NEO1: variants seen among roughly 807,000 people sequenced by gnomAD.
NEO1 encodes the protein neogenin 1.
In NEO1, 63 loss-of-function variants were observed where a neutral mutation model predicts 159.7. The ratio of observed to expected loss-of-function variants is 0.39; its 90% confidence interval spans 0.32 to 0.49. The LOEUF (loss-of-function observed/expected upper bound fraction) is 0.49, where lower values mean the gene tolerates loss of function less well. Among genes scored for constraint, NEO1 ranks in the 20% least tolerant of loss-of-function variants. NEO1 has a pLI of 0.85. For synonymous variants in NEO1, 633 were observed against 662.0 expected, an observed-to-expected ratio of 0.96 and a Z score of 0.67; for missense variants, 1,615 against 1,831.0, an observed-to-expected ratio of 0.88 and a Z score of 2.15.
At chr15:73,077,269 C>T (rs1327146009) in intron 1 of NEO1, among the ~76,000 whole-genome samples, 1 of 152,190 alleles carries the variant, frequency 6.6e-6, no homozygotes, top group African/African-American at 2.4e-5. Context: ...GTCTTGAACT[C>T]CTGACCTCAG....
chr15:73,274,252 G>A (rs2041303283), intron 20 of NEO1, among the ~76,000 whole-genome samples: 1 of 152,174 alleles, frequency 6.6e-6, no homozygotes, highest in Non-Finnish European at 1.5e-5. Flanking sequence ...ATTTGGGGCA[G>A]ATCAATTGCA....
intron 4 of NEO1, among the ~76,000 whole-genome samples, chr15:73,134,374 GCTTT>G (rs1440772602): frequency 1.3e-5 from 2 of 152,126 alleles, no homozygotes; most frequent in Non-Finnish European, 2.9e-5. Context: ...CTGGCTTTCA[GCTTT>G]CTGTGTCCAG....
intron 1 of NEO1, among the ~76,000 whole-genome samples, chr15:73,102,093 G>T (rs551887638): frequency 6.6e-6 from 1 of 152,258 alleles, no homozygotes; most frequent in African/African-American, 2.4e-5. Context: ...TTTAGTCCAG[G>T]TGCGGTGATT....
intron 7 of NEO1, among the ~76,000 whole-genome samples, chr15:73,178,732 A>G (rs1027769032): frequency 2.0e-5 from 3 of 152,198 alleles, no homozygotes; most frequent in Non-Finnish European, 4.4e-5. Flanking sequence ...TCCTATAAAG[A>G]AAAACTTCTT....
At chr15:73,260,641 G>A (rs567859709) in intron 15 of NEO1, among the ~76,000 whole-genome samples, 176 bp downstream of exon 15, 2 of 152,140 alleles carry the variant, frequency 1.3e-5, no homozygotes, top group South Asian at 4.2e-4. Context: ...GCTATATTTT[G>A]CAGAATGCCC....
chr15:73,208,478 T>C (rs2037359669), intron 7 of NEO1, among the ~76,000 whole-genome samples: 2 of 152,218 alleles, frequency 1.3e-5, no homozygotes, highest in Non-Finnish European at 1.5e-5. Context: ...CTTTATTTTT[T>C]TTAAAAACTG....
At chr15:73,135,557 T>G (rs1283638667) in intron 4 of NEO1, among the ~76,000 whole-genome samples, 1 of 152,148 alleles carries the variant, frequency 6.6e-6, no homozygotes, top group Non-Finnish European at 1.5e-5. Flanking sequence ...TTACATAATT[T>G]GGAAAAAAAC....
At chr15:73,238,575 TC>T (rs2150872386) in intron 8 of NEO1, among the ~76,000 whole-genome samples, 1 of 151,734 alleles carries the variant, frequency 6.6e-6, no homozygotes, top group Admixed American at 6.6e-5. Flanking sequence ...ATTTTTAAAA[TC>T]TATAAATATA....
chr15:73,228,540 T>G (rs1440308140), intron 7 of NEO1, among the ~76,000 whole-genome samples: 2 of 151,924 alleles, frequency 1.3e-5, no homozygotes, highest in Non-Finnish European at 2.9e-5. Context: ...TACTTAGTTT[T>G]GGGTTGTTTT....
chr15:73,258,924 A>G, intron 14 of NEO1, 48 bp downstream of exon 14: 1 of 1,475,664 alleles, frequency 6.8e-7, no homozygotes. Flanking sequence ...TACTAGCTGT[A>G]GTCAAATGAG....
At chr15:73,275,391 T>A (rs2041363465) in intron 21 of NEO1, among the ~76,000 whole-genome samples, 1 of 152,186 alleles carries the variant, frequency 6.6e-6, no homozygotes, top group Non-Finnish European at 1.5e-5. Context: ...GGCTCAGGCC[T>A]GTAATCCCAG....
intron 7 of NEO1, among the ~76,000 whole-genome samples, chr15:73,220,891 G>A (rs2038211526): frequency 6.6e-6 from 1 of 152,138 alleles, no homozygotes; most frequent in East Asian, 1.9e-4. Flanking sequence ...GTAGCTTGGA[G>A]TAGTTTGATC....
chr15:73,257,129 C>T (rs2040394549), intron 13 of NEO1, among the ~76,000 whole-genome samples: 1 of 2,202 alleles, frequency 4.5e-4, no homozygotes, highest in Admixed American at 0.022. Flanking sequence ...GAGACTCTGT[C>T]TCCAAAAAAA....
At chr15:73,244,085 T>G (rs145069100) in intron 8 of NEO1, among the ~76,000 whole-genome samples, 1 of 152,194 alleles carries the variant, frequency 6.6e-6, no homozygotes, top group Admixed American at 6.5e-5. Flanking sequence ...CCCTGTGTCT[T>G]CTCTGAAAGG....
In NEO1 at chr15:73,281,200, T is replaced by TC. The variant is rs1306259940; in HGVS notation, c.3263-1763dup. ...TCCAGCCTGGACGACAGAGCGAGAC[T>TC]CAAAAAAAAAAAAAACACATAAATT... On this transcript the variant is annotated intron_variant, in intron 22 of 28. Transcript: ENST00000261908. 2.1e-4 allele frequency among the ~76,000 whole-genome samples: 18 copies of TC among 85,402 alleles called. 1 individual carries two copies. Among genetic ancestry groups the TC allele is most frequent in the Non-Finnish European group, 3.1e-4 (11 of 35,380 alleles). 56.0% of individuals were successfully genotyped at this position (85,402 alleles called of 152,430 possible). A position where few individuals can be genotyped will look rare whatever the true frequency, so the allele number is the denominator to read the frequency against.
intron 14 of NEO1, chr15:73,259,233 C>T (rs2040507753): frequency 5.1e-6 from 1 of 196,960 alleles, no homozygotes; most frequent in Non-Finnish European, 1.1e-5. Flanking sequence ...TAGTCCTGGA[C>T]ACCTTGCCCT....
At position 73,123,304 on chromosome 15, in the gene NEO1, A is replaced by T. The variant is rs189911089; in HGVS notation, c.724+504A>T. 7.9e-4 allele frequency among the ~76,000 whole-genome samples: 120 copies of T among 152,338 alleles called. 2 individuals carry two copies. In the Middle Eastern group the frequency reaches 0.01, roughly 13 times the overall value. On this transcript the variant is annotated intron_variant, in intron 3 of 28. Coordinates refer to ENST00000261908, the MANE Select transcript of NEO1 (RefSeq NM_002499.4). ...TGCATTATTAAAAATTTATCAAGCA[A>T]TAAAGTATATTCACTGTCTAATGGT...
chr15:73,122,420 G>A, intron 2 of NEO1, 105 bp from the exon 3 acceptor site: 1 of 1,037,056 alleles, frequency 9.6e-7, no homozygotes, highest in Non-Finnish European at 1.4e-6. Flanking sequence ...CCCTGGTTCT[G>A]CCATATGTTG....
At chr15:73,287,491 G>C (rs2041989975) in intron 23 of NEO1, among the ~76,000 whole-genome samples, 1 of 152,230 alleles carries the variant, frequency 6.6e-6, no homozygotes, top group Non-Finnish European at 1.5e-5. Context: ...TTAGGGGTAA[G>C]TAAGAGAGTG....
Sources: allele counts gnomAD v4.1 joint callset (sites outside exome capture counted in the v4.1 genomes callset), GRCh38; gene constraint gnomAD v4.1.1; transcripts MANE v1.5; gene names NCBI Gene and HGNC (gene_info 2026-07-23, HGNC 2026-07-21).